IMMP2L: variants seen among roughly 807,000 people sequenced by gnomAD.
IMMP2L encodes mitochondrial inner membrane protease subunit 2.
Under a neutral mutation model 19.3 loss-of-function variants are expected in IMMP2L, and 18 were observed. The ratio of observed to expected loss-of-function variants is 0.93; its 90% CI spans 0.64 to 1.38. IMMP2L has a LOEUF of 1.38. Among genes scored for constraint, IMMP2L ranks in the 40% most tolerant of loss-of-function variants. IMMP2L has a pLI of 0.00. For synonymous variants in IMMP2L, 76 were observed against 73.0 expected (o/e 1.04, Z -0.21); for missense variants, 233 against 218.2 (o/e 1.07, Z -0.43).
At chr7:111,545,006 GACA>G (rs1052302361) in intron 1 of IMMP2L, among the ~76,000 whole-genome samples, 4 of 151,914 alleles carry the variant, frequency 2.6e-5, no homozygotes, top group African/African-American at 9.7e-5. Context: ...AGCAGAATAA[GACA>G]ACATCAAGAA....
chr7:111,012,364 G>A (rs893797562), intron 3 of IMMP2L, among the ~76,000 whole-genome samples: 2 of 151,958 alleles, frequency 1.3e-5, no homozygotes, highest in Admixed American at 6.6e-5. Context: ...ACTATAGTGC[G>A]AACAGTATTT....
chr7:111,273,285 A>AT (rs1379381002), intron 3 of IMMP2L, among the ~76,000 whole-genome samples: 4 of 151,984 alleles, frequency 2.6e-5, no homozygotes, highest in African/African-American at 4.8e-5. Flanking sequence ...TCAAAAAAAA[A>AT]ATATATACAT....
intron 3 of IMMP2L, among the ~76,000 whole-genome samples, chr7:111,367,517 G>C (rs1829888180): frequency 1.3e-5 from 2 of 151,196 alleles, no homozygotes; most frequent in South Asian, 4.2e-4. Flanking sequence ...CAGTTAACAA[G>C]AGTTAATACA....
chr7:111,265,455 T>A (rs1817731768), intron 3 of IMMP2L, among the ~76,000 whole-genome samples: 1 of 152,142 alleles, frequency 6.6e-6, no homozygotes, highest in African/African-American at 2.4e-5. Context: ...TCAGGAGCTG[T>A]ACTAATGAAA....
rs919894984 is a variant in IMMP2L at position 111,017,234 on chromosome 7, G to A, written c.240-53669C>T. 2.0e-5 allele frequency among the ~76,000 whole-genome samples: 3 copies of A among 150,856 alleles called. 1 individual carries two copies. Among genetic ancestry groups the A allele is most frequent in the Admixed American group, 1.3e-4 (2 of 14,948 alleles). ...AGGTACATACCACCATGCCTGGCTC[G>A]TATTGTTTTTTTAGAAATGGGGTCT... On this transcript the variant is annotated intron_variant, in intron 3 of 5. Coordinates refer to ENST00000405709, the MANE Select transcript of IMMP2L (RefSeq NM_032549.4).
intron 3 of IMMP2L, among the ~76,000 whole-genome samples, chr7:111,368,330 G>A (rs1200651420): frequency 4.6e-5 from 7 of 151,866 alleles, no homozygotes; most frequent in Admixed American, 1.3e-4. Flanking sequence ...GGAAACCAAA[G>A]ATGTCTTTTA....
chr7:110,812,869 T>C (rs2131280709), intron 5 of IMMP2L, among the ~76,000 whole-genome samples: 1 of 152,124 alleles, frequency 6.6e-6, no homozygotes, highest in East Asian at 1.9e-4. Flanking sequence ...ATTTCTCTCT[T>C]CTTAAAAGAA....
chr7:110,766,138 G>A (rs550297602), intron 5 of IMMP2L, among the ~76,000 whole-genome samples: 133 of 152,208 alleles, frequency 8.7e-4, no homozygotes, highest in African/African-American at 3.1e-3. Flanking sequence ...TCTACAAATA[G>A]AATAAATTAC....
At chr7:111,211,295 T>G (rs1811282508) in intron 3 of IMMP2L, among the ~76,000 whole-genome samples, 1 of 151,880 alleles carries the variant, frequency 6.6e-6, no homozygotes, top group Non-Finnish European at 1.5e-5. Flanking sequence ...TGGGAGGAAA[T>G]GACTCTATGC....
At chr7:110,885,351 A>G (rs922458243) in intron 5 of IMMP2L, among the ~76,000 whole-genome samples, 95 of 152,064 alleles carry the variant, frequency 6.2e-4, no homozygotes, top group African/African-American at 2.2e-3. Context: ...GGGATGCTCA[A>G]CTTATATATA....
intron 5 of IMMP2L, among the ~76,000 whole-genome samples, chr7:110,726,863 A>G (rs1225080005): frequency 6.6e-6 from 1 of 152,190 alleles, no homozygotes; most frequent in African/African-American, 2.4e-5. Context: ...GGTTCATAAT[A>G]TGTGAGTGTT....
intron 3 of IMMP2L, among the ~76,000 whole-genome samples, chr7:111,262,734 T>C (rs1817447637): frequency 6.6e-6 from 1 of 152,154 alleles, no homozygotes; most frequent in Non-Finnish European, 1.5e-5. Flanking sequence ...AATTTAAATA[T>C]TCCTGCTATG....
chr7:110,890,788 A>G (rs886724711), intron 4 of IMMP2L, among the ~76,000 whole-genome samples: 1 of 152,138 alleles, frequency 6.6e-6, no homozygotes, highest in African/African-American at 2.4e-5. Context: ...TTACCAAGAC[A>G]AGTTACCTAG....
chr7:111,311,923 G>A (rs1304629557), intron 3 of IMMP2L, among the ~76,000 whole-genome samples: 3 of 152,132 alleles, frequency 2.0e-5, no homozygotes, highest in African/African-American at 4.8e-5. Flanking sequence ...CCATTAAAAT[G>A]AGAGAGTCTA....
rs1350580087 is a variant in IMMP2L at position 110,870,253 on chromosome 7, C to CT, written c.408+16339dup. The stretch of plus-strand genomic sequence containing the variant: ...AACCATTTTAAGTGCATTTCATTCT[C>CT]TTTTTTCCAAAGATGTCAGATGTCC... On this transcript the variant is annotated intron_variant, in intron 5 of 5. Transcript: ENST00000405709. The surrounding 1 kb of genome is among the most constrained non-coding windows in gnomAD (Gnocchi z 4.2). 3.9e-5 allele frequency among the ~76,000 whole-genome samples: 6 copies of CT among 152,118 alleles called. No homozygotes were observed. The highest frequency in any genetic ancestry group is 8.8e-5 in the Non-Finnish European group (6 of 68,006).
chr7:111,336,666 T>C (rs1301039236), intron 3 of IMMP2L, among the ~76,000 whole-genome samples: 1 of 152,042 alleles, frequency 6.6e-6, no homozygotes, highest in African/African-American at 2.4e-5. Flanking sequence ...TCTGCCTATT[T>C]TGTTATATAA....
At chr7:110,826,843 A>T (rs992591213) in intron 5 of IMMP2L, among the ~76,000 whole-genome samples, 2 of 151,918 alleles carry the variant, frequency 1.3e-5, no homozygotes. Context: ...TATTAAAAAA[A>T]TAAATAAAAA....
chr7:111,262,872 T>C (rs2129860146), intron 3 of IMMP2L, among the ~76,000 whole-genome samples: 1 of 152,230 alleles, frequency 6.6e-6, no homozygotes, highest in Non-Finnish European at 1.5e-5. Context: ...GTCTAAGCTG[T>C]TAGAATGCCT....
rs762377480 is a variant in IMMP2L at position 110,853,350 on chromosome 7, A to T, written c.408+33243T>A. 5.2e-4 allele frequency among the ~76,000 whole-genome samples: 79 copies of T among 152,044 alleles called. 1 individual carries two copies. The highest frequency in any genetic ancestry group is 1.9e-4 in the Non-Finnish European group (13 of 67,956). On this transcript the variant is annotated intron_variant, in intron 5 of 5. Coordinates refer to ENST00000405709, the MANE Select transcript of IMMP2L (RefSeq NM_032549.4). The stretch of plus-strand genomic sequence containing the variant: ...AAAAAAAAACCTTAGCTTTTGTAAA[A>T]TAATGTGTATACACCTTAATCTCTA...
Sources: allele counts gnomAD v4.1 joint callset (sites outside exome capture counted in the v4.1 genomes callset), GRCh38; gene constraint gnomAD v4.1.1; non-coding constraint Gnocchi (gnomAD v3.1); transcripts MANE v1.5; gene names NCBI Gene and HGNC (gene_info 2026-07-23, HGNC 2026-07-21).